Variants in PTPN20 observed in about 807,000 individuals in gnomAD.
The protein encoded by PTPN20 is tyrosine-protein phosphatase non-receptor type 20.
PTPN20 carries 9 observed loss-of-function variants against 35.0 expected under a neutral mutation model. The ratio of observed to expected loss-of-function variants is 0.26; its 90% confidence interval spans 0.15 to 0.45. PTPN20 has a LOEUF of 0.45. PTPN20 is among the 20% of genes least tolerant of loss of function. PTPN20 has a pLI of 1.00. For missense variants in PTPN20, 111 were observed against 312.5 expected (o/e 0.36, Z 4.86); for synonymous variants, 32 against 100.2 (o/e 0.32, Z 4.06).
intron 9 of PTPN20, among the ~76,000 whole-genome samples, chr10:46,993,487 C>T (rs1565627306): frequency 6.6e-6 from 1 of 152,062 alleles, no homozygotes; most frequent in Admixed American, 6.5e-5. Flanking sequence ...GGCGGTGTTG[C>T]CGTGGGTGTA....
intron 10 of PTPN20, 134 bp from the exon 11 acceptor site, chr10:47,000,542 A>G (rs2059922773): frequency 2.2e-5 from 21 of 936,446 alleles, no homozygotes; most frequent in Non-Finnish European, 3.1e-5. Context: ...AAAGTTCTTA[A>G]GTGTTTATAG....
At chr10:46,993,419 G>A (rs900953530) in intron 9 of PTPN20, among the ~76,000 whole-genome samples, 1 of 152,230 alleles carries the variant, frequency 6.6e-6, no homozygotes, top group Admixed American at 6.5e-5. Context: ...TAATTGTGCA[G>A]TAGACCTACA....
intron 2 of PTPN20, among the ~76,000 whole-genome samples, chr10:46,937,819 T>A (rs1304358247): frequency 6.6e-6 from 1 of 151,868 alleles, no homozygotes; most frequent in Non-Finnish European, 1.5e-5. Context: ...TTGATTGATT[T>A]GGCTGTGGGT....
chr10:46,998,486 T>C (rs1260786301), intron 9 of PTPN20, among the ~76,000 whole-genome samples: 2 of 152,222 alleles, frequency 1.3e-5, no homozygotes, highest in East Asian at 3.9e-4. Flanking sequence ...GGGTTAGAGA[T>C]TGGGGTGGAT....
At chr10:46,959,468 T>C (rs2049289503) in intron 5 of PTPN20, among the ~76,000 whole-genome samples, 1 of 145,878 alleles carries the variant, frequency 6.9e-6, no homozygotes, top group Non-Finnish European at 1.5e-5. Context: ...TTTCTTTCAA[T>C]TGGTGAGTTT....
intron 9 of PTPN20, among the ~76,000 whole-genome samples, chr10:46,997,894 T>C (rs1438682436): frequency 6.6e-6 from 1 of 151,964 alleles, no homozygotes; most frequent in Non-Finnish European, 1.5e-5. Context: ...TATGTAAAAA[T>C]AGTGACAGCA....
chr10:46,995,340 T>TC (rs1389258999), intron 9 of PTPN20, among the ~76,000 whole-genome samples: 1 of 146,440 alleles, frequency 6.8e-6, no homozygotes, highest in African/African-American at 2.5e-5. Flanking sequence ...TTTCTTTTTT[T>TC]TTTTTTTTTT....
chr10:46,972,333 T>C (rs1443209719), intron 7 of PTPN20, among the ~76,000 whole-genome samples: 2 of 152,098 alleles, frequency 1.3e-5, no homozygotes, highest in African/African-American at 4.8e-5. Context: ...CATGAAATGA[T>C]ATTCACCATT....
intron 2 of PTPN20, 100 bp from the exon 3 acceptor site, chr10:46,940,523 A>G: frequency 7.5e-7 from 1 of 1,324,554 alleles, no homozygotes. Context: ...AAGTAGATGA[A>G]AATGCCCCTC....
downstream of PTPN20, among the ~76,000 whole-genome samples, chr10:47,003,580 G>A (rs2060137488): frequency 2.0e-5 from 3 of 152,014 alleles, no homozygotes; most frequent in Non-Finnish European, 4.4e-5. Context: ...TCTACAACCA[G>A]CAAACTATGG....
chr10:46,995,156 G>A (rs2058814740), intron 9 of PTPN20, among the ~76,000 whole-genome samples: 1 of 151,890 alleles, frequency 6.6e-6, no homozygotes, highest in African/African-American at 2.4e-5. Context: ...GGGAGGTCAT[G>A]GTTTTGTGTT....
chr10:46,954,931 A>T (rs2048007944), intron 5 of PTPN20, among the ~76,000 whole-genome samples: 1 of 151,616 alleles, frequency 6.6e-6, no homozygotes, highest in Non-Finnish European at 1.5e-5. Context: ...AGGAACAAAG[A>T]TAACAATACA....
At chr10:46,920,605 T>C (rs2034837397) in intron 1 of PTPN20, among the ~76,000 whole-genome samples, 2 of 138,660 alleles carry the variant, frequency 1.4e-5, no homozygotes. Flanking sequence ...TGTGTTAGGC[T>C]ACCAGGGCAG....
intron 5 of PTPN20, among the ~76,000 whole-genome samples, chr10:46,953,335 T>TTTTCTTTCTTTCTTTCTTTCTTTCTCTC (rs1555148534): frequency 8.8e-6 from 1 of 113,408 alleles, no homozygotes; most frequent in African/African-American, 4.2e-5. Context: ...CTTTCATTTC[T>TTTTCTTTCTTTCTTTCTTTCTTTCTCTC]TTTCTTTCTT....
chr10:46,996,708 T>A (rs886390494), intron 9 of PTPN20, among the ~76,000 whole-genome samples: 1 of 152,212 alleles, frequency 6.6e-6, no homozygotes, highest in East Asian at 1.9e-4. Flanking sequence ...GATGGCTAGT[T>A]GTTTCAATAT....
chr10:46,925,671 T>C (rs1325578991), intron 1 of PTPN20, among the ~76,000 whole-genome samples: 1 of 150,558 alleles, frequency 6.6e-6, no homozygotes, highest in African/African-American at 2.5e-5. Flanking sequence ...ACATGCCTTT[T>C]CTTTTTTCTC....
At chr10:46,972,440 G>C (rs1342944782) in intron 7 of PTPN20, among the ~76,000 whole-genome samples, 72 of 127,220 alleles carry the variant, frequency 5.7e-4, no homozygotes, top group African/African-American at 1.9e-3. Context: ...AGTTAAACAT[G>C]TACCTACCAT....
At chr10:46,977,519 A>G (rs1476738926) in intron 7 of PTPN20, among the ~76,000 whole-genome samples, 4 of 151,652 alleles carry the variant, frequency 2.6e-5, no homozygotes, top group Non-Finnish European at 4.4e-5. Context: ...TCATAGTGTA[A>G]TGTGACAGTA....
chr10:46,954,188 T>G (rs1243980087), intron 5 of PTPN20, among the ~76,000 whole-genome samples: 5 of 119,380 alleles, frequency 4.2e-5, no homozygotes, highest in African/African-American at 1.2e-4. Flanking sequence ...GTCAGCAAAG[T>G]TGATTTCTTC....
Sources: allele counts gnomAD v4.1 joint callset (sites outside exome capture counted in the v4.1 genomes callset), GRCh38; gene constraint gnomAD v4.1.1; transcripts MANE v1.5; gene names NCBI Gene and HGNC (gene_info 2026-07-23, HGNC 2026-07-21).